The following DMXL1 variants were observed in gnomAD, a reference collection of about 807,000 sequenced individuals.
The protein encoded by DMXL1 is Dmx like 1, also known as dmX-like protein 1.
Under a neutral mutation model 319.2 loss-of-function variants are expected in DMXL1, and 99 were observed. That is an observed-to-expected ratio of 0.31 (90% CI 0.26 to 0.37). DMXL1 has a LOEUF of 0.37. Ranked by LOEUF, DMXL1 falls within the 10% of genes least tolerant of loss-of-function variation. The pLI, the probability that DMXL1 is intolerant of heterozygous loss-of-function variation, is 1.00. For synonymous variants in DMXL1, 1,385 were observed against 1,235.2 expected, an observed-to-expected ratio of 1.12 and a Z score of -2.54; for missense variants, 3,745 against 3,595.6, an observed-to-expected ratio of 1.04 and a Z score of -1.06.
intron 23 of DMXL1, among the ~76,000 whole-genome samples, chr5:119,168,783 G>T (rs1773953391): frequency 6.6e-6 from 1 of 151,688 alleles, no homozygotes; most frequent in East Asian, 1.9e-4. Flanking sequence ...CAAACACCTG[G>T]CATCTAGCTG....
intron 2 of DMXL1, 32 bp downstream of exon 2, chr5:119,098,136 T>C (rs1227380720): frequency 1.3e-6 from 2 of 1,589,764 alleles, no homozygotes; most frequent in East Asian, 4.5e-5. Flanking sequence ...TACAAATTTG[T>C]TTGGAATATG....
intron 30 of DMXL1, among the ~76,000 whole-genome samples, chr5:119,195,629 G>A (rs1354648633): frequency 6.6e-6 from 1 of 152,152 alleles, no homozygotes; most frequent in East Asian, 1.9e-4. Context: ...AAGATGAAAG[G>A]AATTCTGGAG....
In DMXL1 at chr5:119,222,888, A is replaced by G. The variant is rs188929001; in HGVS notation, c.8277+1807A>G. 2.4e-4 allele frequency among the ~76,000 whole-genome samples: 36 copies of G among 151,932 alleles called. No individual in the cohort carries two copies. The East Asian group carries it at 2.7e-3, about 11-fold the overall frequency. On this transcript the variant is annotated intron_variant, in intron 37 of 43. Transcript: ENST00000539542. The stretch of plus-strand genomic sequence containing the variant: ...ACTTTCCTTCTGCTTAAAATGCTCT[A>G]TCCCTCTGTTGTACCATTCACATCT...
intron 19 of DMXL1, among the ~76,000 whole-genome samples, chr5:119,160,476 T>G (rs1411183202): frequency 6.6e-6 from 1 of 152,214 alleles, no homozygotes; most frequent in Non-Finnish European, 1.5e-5. Flanking sequence ...CTGGGGAATA[T>G]TCTTTGTGTG....
intron 28 of DMXL1, among the ~76,000 whole-genome samples, chr5:119,185,085 C>T (rs1245879207): frequency 6.6e-6 from 1 of 151,856 alleles, no homozygotes; most frequent in African/African-American, 2.4e-5. Context: ...GTTTCTTCTC[C>T]TTACTTTCCT....
rs539988341 is a variant in DMXL1, at chr5:119,071,141, G to A, written c.-429G>A. 3.6e-4 allele frequency: 69 copies of A among 194,322 alleles called. No homozygotes were observed. Among genetic ancestry groups the A allele is most frequent in the Non-Finnish European group, 5.7e-4 (53 of 93,042 alleles). The allele number at this position is 194,322 out of a possible 1,614,324, so 12.0% of individuals were successfully genotyped here. ...TGGGGGTGGCGGGCACCGGAGCCGGGAAGGGACAGGTCAGGCGGGGAGTGC... is the reference window on the plus strand; with the variant it reads ...TGGGGGTGGCGGGCACCGGAGCCGGAAAGGGACAGGTCAGGCGGGGAGTGC... On this transcript the variant is annotated 5_prime_UTR_variant, in exon 1 of 44. Coordinates refer to ENST00000539542, the MANE Select transcript of DMXL1 (RefSeq NM_001290321.3).
chr5:119,229,625 A>G (rs1222546166), intron 38 of DMXL1, among the ~76,000 whole-genome samples: 1 of 152,198 alleles, frequency 6.6e-6, no homozygotes, highest in Non-Finnish European at 1.5e-5. Flanking sequence ...TAAGAAAAAC[A>G]TCCTTCATAC....
chr5:119,165,122 A>G, intron 20 of DMXL1, 61 bp from the exon 21 acceptor site: 1 of 1,033,042 alleles, frequency 9.7e-7, no homozygotes, highest in Admixed American at 2.2e-5. Flanking sequence ...CTTTCATATG[A>G]AAGAAATTAC....
chr5:119,212,559 A>G (rs909080870), intron 34 of DMXL1, among the ~76,000 whole-genome samples: 2 of 152,186 alleles, frequency 1.3e-5, no homozygotes, highest in Non-Finnish European at 2.9e-5. Context: ...TTTGGGGTAT[A>G]TACAGAAGTG....
rs191473773 is a variant in DMXL1, at chr5:119,231,042, A to G, written c.8339-2298A>G. 3.9e-3 allele frequency among the ~76,000 whole-genome samples: 598 copies of G among 152,320 alleles called. 10 individuals carry two copies. Among genetic ancestry groups the G allele is most frequent in the South Asian group, 0.026 (127 of 4,826 alleles). The stretch of plus-strand genomic sequence containing the variant: ...TTTGTAAAGACTCTTTTAGAGAGAC[A>G]ATTTACAGTTCATTTAGTCTTCTAG... On this transcript the variant is annotated intron_variant, in intron 38 of 43. Transcript: ENST00000539542.
intron 9 of DMXL1, among the ~76,000 whole-genome samples, chr5:119,123,040 A>G (rs1762561842): frequency 6.6e-6 from 1 of 152,156 alleles, no homozygotes; most frequent in Admixed American, 6.5e-5. Flanking sequence ...ACAAGACTCC[A>G]TCTGCAGTCC....
chr5:119,169,212 G>A (rs549002941), intron 23 of DMXL1, among the ~76,000 whole-genome samples: 1 of 152,278 alleles, frequency 6.6e-6, no homozygotes, highest in South Asian at 2.1e-4. Flanking sequence ...ACATATTCAT[G>A]TAAAAATTGT....
In DMXL1 at chr5:119,123,138, C is replaced by CA. The variant is rs547889357; in HGVS notation, c.1102+2006dup. 3.9e-3 allele frequency among the ~76,000 whole-genome samples: 596 copies of CA among 151,982 alleles called. 9 individuals carry two copies. The highest frequency in any genetic ancestry group is 0.026 in the South Asian group (127 of 4,812). The stretch of plus-strand genomic sequence containing the variant: ...CAACACAGCGAAATCCCGTCTCCAC[C>CA]AAAAAAATACGAAAACCAGTCAGGC... On this transcript the variant is annotated intron_variant, in intron 9 of 43. Coordinates refer to ENST00000539542, the MANE Select transcript of DMXL1 (RefSeq NM_001290321.3).
At chr5:119,077,754 A>T (rs372118371) in intron 1 of DMXL1, among the ~76,000 whole-genome samples, 33 of 125,368 alleles carry the variant, frequency 2.6e-4, no homozygotes, top group Admixed American at 3.8e-4. Flanking sequence ...TTATTTTTTA[A>T]GTGTGTGTGT....
At chr5:119,164,033 A>G (rs1181488831) in intron 19 of DMXL1, among the ~76,000 whole-genome samples, 1 of 151,774 alleles carries the variant, frequency 6.6e-6, no homozygotes, top group East Asian at 1.9e-4. Context: ...TAACATATGC[A>G]TTATGATTCT....
chr5:119,193,199 A>G (rs1236180200), intron 29 of DMXL1, among the ~76,000 whole-genome samples: 1 of 152,056 alleles, frequency 6.6e-6, no homozygotes, highest in Non-Finnish European at 1.5e-5. Context: ...ATTCCCTTAC[A>G]TTCCTTTACC....
At chr5:119,134,638 A>G (rs1765602896) in intron 13 of DMXL1, among the ~76,000 whole-genome samples, 1 of 152,338 alleles carries the variant, frequency 6.6e-6, no homozygotes, top group South Asian at 2.1e-4. Flanking sequence ...TTCTTTACTC[A>G]TAGATAAATG....
chr5:119,203,516 AT>A, intron 33 of DMXL1, 80 bp downstream of exon 33: 1 of 783,820 alleles, frequency 1.3e-6, no homozygotes, highest in Non-Finnish European at 1.9e-6. Context: ...AATGAGTTGT[AT>A]TTTACAGATT....
intron 35 of DMXL1, among the ~76,000 whole-genome samples, chr5:119,220,040 G>A (rs1355283786): frequency 2.7e-5 from 4 of 148,232 alleles, no homozygotes; most frequent in Non-Finnish European, 5.9e-5. Flanking sequence ...AGATTGAAAA[G>A]CTTTAGGAGA....
Sources: gnomAD v4.1 joint callset for allele counts (sites outside exome capture counted in the v4.1 genomes callset) on GRCh38, gnomAD v4.1.1 for gene constraint, MANE v1.5 for transcripts, NCBI Gene and HGNC (gene_info 2026-07-23, HGNC 2026-07-21) for gene names.